LZTFL1: variants seen among roughly 807,000 people sequenced by gnomAD.
LZTFL1 encodes leucine zipper transcription factor like 1, also known as leucine zipper transcription factor-like protein 1.
A neutral mutation model predicts 45.9 loss-of-function variants in LZTFL1; 25 were observed. The observed-to-expected ratio is 0.54, with a 90% CI of 0.40 to 0.76. The LOEUF (loss-of-function observed/expected upper bound fraction) is 0.76, where lower values mean the gene tolerates loss of function less well. Ranked by LOEUF, LZTFL1 falls within the 30% of genes least tolerant of loss-of-function variation. The pLI is 0.00. For synonymous variants in LZTFL1, 93 were observed against 117.4 expected (o/e 0.79, Z 1.35); for missense variants, 277 against 331.1 (o/e 0.84, Z 1.27).
intron 2 of LZTFL1, among the ~76,000 whole-genome samples, chr3:45,889,674 A>T (rs1206910988): frequency 6.6e-6 from 1 of 151,478 alleles, no homozygotes; most frequent in African/African-American, 2.4e-5. Flanking sequence ...AGTGCAGTGT[A>T]TGTCTTTTTC....
At chr3:45,868,101 A>G (rs2125714138) in intron 2 of LZTFL1, among the ~76,000 whole-genome samples, 2 of 148,654 alleles carry the variant, frequency 1.3e-5, no homozygotes, top group South Asian at 4.2e-4. Context: ...GCAGCACACC[A>G]GCATGGCACA....
chr3:45,858,665 T>A (rs1363250223), intron 3 of LZTFL1, among the ~76,000 whole-genome samples: 1 of 152,216 alleles, frequency 6.6e-6, no homozygotes, highest in African/African-American at 2.4e-5. Context: ...ACACAACTGT[T>A]TTGAAAGTGC....
chr3:45,864,191 T>C (rs1466234417), intron 2 of LZTFL1, among the ~76,000 whole-genome samples: 1 of 152,206 alleles, frequency 6.6e-6, no homozygotes, highest in East Asian at 1.9e-4. Context: ...ATCAAATTAC[T>C]GAGTAAAAGT....
Position 45,900,969 on chromosome 3 carries a change from G to T in LZTFL1, c.-215+12151C>A. 1 of 1,614,152 alleles carries T rather than the reference G, an allele frequency of 6.2e-7. No homozygotes were observed. Among genetic ancestry groups the T allele is most frequent in the Non-Finnish European group, 8.5e-7 (1 of 1,180,014 alleles). ...ACCCTTGTACTGGCTCGTGTTCATC[G>T]TGGGTGCCTTGGGCAACAGTCTTGT... On this transcript the variant is annotated intron_variant, in intron 2 of 4. Coordinates refer to the LZTFL1 transcript ENST00000472635. The surrounding 1 kb of genome is among the most constrained non-coding windows in gnomAD (Gnocchi z 4.7).
At chr3:45,890,968 C>T (rs188199648) in intron 2 of LZTFL1, among the ~76,000 whole-genome samples, 8 of 152,248 alleles carry the variant, frequency 5.3e-5, no homozygotes, top group East Asian at 3.9e-4. Context: ...CATAGAAACA[C>T]GGCTGGGAGG....
At chr3:45,859,707 G>A (rs954483700) in intron 2 of LZTFL1, among the ~76,000 whole-genome samples, 1 of 148,936 alleles carries the variant, frequency 6.7e-6, no homozygotes, top group African/African-American at 2.5e-5. Flanking sequence ...CATGATCTTG[G>A]CTCACTGCAA....
intron 2 of LZTFL1, among the ~76,000 whole-genome samples, chr3:45,888,518 A>G (rs1344281038): frequency 6.6e-6 from 1 of 152,184 alleles, no homozygotes; most frequent in African/African-American, 2.4e-5. Flanking sequence ...TGTATCAGGT[A>G]CTCAAGGCAC....
chr3:45,877,042 C>G (rs1333698840), intron 2 of LZTFL1, among the ~76,000 whole-genome samples: 3 of 152,166 alleles, frequency 2.0e-5, no homozygotes, highest in Middle Eastern at 3.4e-3. Flanking sequence ...CAAGGGAAGG[C>G]TTCCTCAATG....
At chr3:45,851,846 T>C (rs1162325901) in intron 4 of LZTFL1, among the ~76,000 whole-genome samples, 1 of 151,370 alleles carries the variant, frequency 6.6e-6, no homozygotes, top group Non-Finnish European at 1.5e-5. Flanking sequence ...TCTCATTTTT[T>C]TTTTGTTCTT....
chr3:45,912,703 G>T (rs566632959), intron 2 of LZTFL1, among the ~76,000 whole-genome samples: 38 of 152,270 alleles, frequency 2.5e-4, no homozygotes, highest in African/African-American at 8.9e-4. Context: ...TAGCCAATGA[G>T]CAGCCAACCC....
At position 45,900,027 on chromosome 3, in the gene LZTFL1, A is replaced by T. The variant is rs1203989889; in HGVS notation, c.-215+13093T>A. On this transcript the variant is annotated intron_variant, in intron 2 of 4. Transcript: ENST00000472635. The surrounding 1 kb of genome is among the most constrained non-coding windows in gnomAD (Gnocchi z 4.7). ...CATGTTTGTGTACGAGAGCATGTGCAAGTGCATGTATTATGTGTATGCATG... is the reference window on the plus strand; with the variant it reads ...CATGTTTGTGTACGAGAGCATGTGCTAGTGCATGTATTATGTGTATGCATG... Among the ~76,000 whole-genome samples, 1 of 152,190 alleles carries T rather than the reference A, an allele frequency of 6.6e-6. No individual in the cohort carries two copies. The highest frequency in any genetic ancestry group is 2.4e-5 in the African/African-American group (1 of 41,446).
chr3:45,901,754 G>C lies in LZTFL1; in HGVS notation c.-215+11366C>G. On this transcript the variant is annotated intron_variant, in intron 2 of 4. Coordinates refer to the LZTFL1 transcript ENST00000472635. The surrounding 1 kb of genome is among the most constrained non-coding windows in gnomAD (Gnocchi z 4.3). ...CTGTTCTCTATGTTTTTGTGGGTGA[G>C]AGATTCCGCCGGGATCTCGTGAAAA... The C allele has an allele frequency of 6.2e-7, 1 of 1,614,170 alleles. No homozygotes were observed. Among genetic ancestry groups the C allele is most frequent in the African/African-American group, 1.3e-5 (1 of 75,028 alleles).
At chr3:45,895,198 C>A in intron 2 of LZTFL1, 1 of 543,898 alleles carries the variant, frequency 1.8e-6, no homozygotes, top group Non-Finnish European at 3.3e-6. Flanking sequence ...GTGTTATAAA[C>A]AGCTAAGGAT....
intron 2 of LZTFL1, among the ~76,000 whole-genome samples, chr3:45,836,556 G>A (rs956095657): frequency 1.3e-5 from 2 of 152,166 alleles, no homozygotes; most frequent in South Asian, 2.1e-4. Context: ...TTAGGAGGCT[G>A]AGGCAGGAGA....
At chr3:45,851,977 T>C (rs1701317201) in intron 4 of LZTFL1, among the ~76,000 whole-genome samples, 1 of 152,180 alleles carries the variant, frequency 6.6e-6, no homozygotes, top group South Asian at 2.1e-4. Context: ...CAGCTCCTGC[T>C]CCACTCCACC....
chr3:45,842,296 G>T (rs1701142413), upstream of LZTFL1: 8 of 754,936 alleles, frequency 1.1e-5, no homozygotes, highest in Middle Eastern at 4.2e-4. Context: ...TGCAGTTGCA[G>T]AAGGTAGCGG....
At chr3:45,915,271 T>C in intron 1 of LZTFL1, 1 of 283,626 alleles carries the variant, frequency 3.5e-6, no homozygotes, top group Non-Finnish European at 7.3e-6. Context: ...CTTGCAGCCT[T>C]TAGGGAGGCC....
At chr3:45,853,426 T>C (rs1701337401) in intron 4 of LZTFL1, among the ~76,000 whole-genome samples, 1 of 152,224 alleles carries the variant, frequency 6.6e-6, no homozygotes, top group South Asian at 2.1e-4. Context: ...ATGATTATCA[T>C]TCGTGGTTTA....
intron 4 of LZTFL1, among the ~76,000 whole-genome samples, chr3:45,851,574 C>T (rs1279008095): frequency 6.6e-6 from 1 of 152,142 alleles, no homozygotes; most frequent in African/African-American, 2.4e-5. Flanking sequence ...CAGTCCTTCT[C>T]TTTGACTCAT....
Sources: allele counts gnomAD v4.1 joint callset (sites outside exome capture counted in the v4.1 genomes callset), GRCh38; gene constraint gnomAD v4.1.1; non-coding constraint Gnocchi (gnomAD v3.1); transcripts MANE v1.5; gene names NCBI Gene and HGNC (gene_info 2026-07-23, HGNC 2026-07-21).